RANGAP1: variants seen among roughly 807,000 people sequenced by gnomAD.
The protein encoded by RANGAP1 is ran GTPase-activating protein 1.
RANGAP1 carries 38 observed loss-of-function variants against 63.5 expected under a neutral mutation model. The observed-to-expected ratio is 0.60, with a 90% CI of 0.46 to 0.78. The LOEUF (loss-of-function observed/expected upper bound fraction) is 0.78. RANGAP1 is among the 30% of genes least tolerant of loss of function. The probability of loss-of-function intolerance (pLI) is 0.00; values close to 1 mark genes in which losing one functional copy is unlikely to be tolerated. For synonymous variants in RANGAP1, 329 were observed against 310.5 expected, an observed-to-expected ratio of 1.06 and a Z score of -0.63; for missense variants, 630 against 740.3, an observed-to-expected ratio of 0.85 and a Z score of 1.73.
intron 3 of RANGAP1, among the ~76,000 whole-genome samples, chr22:41,272,177 C>T (rs2145802855): frequency 6.6e-6 from 1 of 152,308 alleles, no homozygotes; most frequent in South Asian, 2.1e-4. Context: ...CCTGCTGAGT[C>T]CTGTAGCCTT....
chr22:41,298,719 T>C, the RANGAP1 span, among the ~76,000 whole-genome samples: 15 of 152,288 alleles, frequency 9.8e-5, no homozygotes, highest in African/African-American at 3.6e-4. Context: ...CAGGCTGGTC[T>C]CAAACTCCTG....
intron 2 of RANGAP1, 126 bp from the exon 3 acceptor site, chr22:41,274,853 CT>C: frequency 8.2e-7 from 1 of 1,224,740 alleles, no homozygotes; most frequent in Non-Finnish European, 1.2e-6. Flanking sequence ...TGAGCCTTGG[CT>C]TACAGAGAAT....
chr22:41,271,616 C>T (rs976728002), intron 3 of RANGAP1, among the ~76,000 whole-genome samples: 4 of 151,810 alleles, frequency 2.6e-5, no homozygotes, highest in African/African-American at 9.7e-5. Flanking sequence ...ATGGCATGAA[C>T]CCGGGAGGCG....
chr22:41,255,637 C>G (rs1045097299), intron 10 of RANGAP1, among the ~76,000 whole-genome samples: 98 of 151,718 alleles, frequency 6.5e-4, no homozygotes, highest in African/African-American at 2.3e-3. Context: ...TGGCCCCGCT[C>G]AGCCCGTACG....
Position 41,249,454 on chromosome 22 carries a change from G to C in RANGAP1, c.1573-3C>G. Reference sequence around the variant, plus strand: ...ATGGCCTTGACCTTGTCTTCACTCTGAGAGGAACACAGCGAAAAGCGGGGT... The same window carrying C: ...ATGGCCTTGACCTTGTCTTCACTCTCAGAGGAACACAGCGAAAAGCGGGGT... On this transcript the variant is annotated splice_polypyrimidine_tract_variant and splice_region_variant and intron_variant, in intron 14 of 15. Transcript: ENST00000356244. The C allele has an allele frequency of 6.2e-7, 1 of 1,613,764 alleles. No individual in the cohort carries two copies. Among genetic ancestry groups the C allele is most frequent in the Non-Finnish European group, 8.5e-7 (1 of 1,179,966 alleles).
the RANGAP1 span, among the ~76,000 whole-genome samples, chr22:41,295,186 G>T: frequency 6.7e-6 from 1 of 149,810 alleles, no homozygotes; most frequent in Non-Finnish European, 1.5e-5. Context: ...CCACCACCCC[G>T]TCTGGGAGGT....
At chr22:41,258,757 T>C (rs527876356) in intron 6 of RANGAP1, among the ~76,000 whole-genome samples, 1 of 152,246 alleles carries the variant, frequency 6.6e-6, no homozygotes, top group Non-Finnish European at 1.5e-5. Context: ...CAGGTTCAAG[T>C]GATTCTCCTG....
the RANGAP1 span, among the ~76,000 whole-genome samples, chr22:41,297,929 G>A: frequency 1.3e-5 from 2 of 151,246 alleles, no homozygotes; most frequent in Non-Finnish European, 2.9e-5. Context: ...GAACGATCTC[G>A]GCTCACTACA....
Position 41,274,675 on chromosome 22 carries a change from A to T in RANGAP1, c.165T>A (p.Arg55=). 1.2e-6 allele frequency: 2 copies of T among 1,614,204 alleles called. No homozygotes were observed. Among genetic ancestry groups the T allele is most frequent in the Non-Finnish European group, 1.7e-6 (2 of 1,180,034 alleles). Residue 55 remains arginine, a synonymous_variant, in exon 3 of 16, where the codon CGT becomes CGA. Coordinates refer to ENST00000356244, the MANE Select transcript of RANGAP1 (RefSeq NM_002883.4). ...CCACGCCCACTGTGTTGCCTTCCAG[A>T]CGCAGAGCCTCCAAGCTGTCAAAGT... ...IEDFDSLEAL[R]LEGNTVGVEA... is the part of the protein sequence containing the mutation.
At chr22:41,251,964 G>C (rs767902855) in intron 12 of RANGAP1, among the ~76,000 whole-genome samples, 1 of 152,144 alleles carries the variant, frequency 6.6e-6, no homozygotes, top group South Asian at 2.1e-4. Flanking sequence ...GCAATTGGCC[G>C]AAATGTTAAG....
chr22:41,251,578 AT>A (rs1230675935), intron 12 of RANGAP1, among the ~76,000 whole-genome samples: 9 of 151,268 alleles, frequency 5.9e-5, no homozygotes, highest in African/African-American at 2.2e-4. Context: ...CTGAGCCATG[AT>A]TGCACCACTG....
At chr22:41,266,636 T>G (rs2034492503) in intron 4 of RANGAP1, among the ~76,000 whole-genome samples, 1 of 152,024 alleles carries the variant, frequency 6.6e-6, no homozygotes, top group Non-Finnish European at 1.5e-5. Flanking sequence ...CAGGTTCAAG[T>G]GATTCTTCCG....
chr22:41,260,288 C>A (rs1315819876), intron 6 of RANGAP1, among the ~76,000 whole-genome samples: 1 of 152,162 alleles, frequency 6.6e-6, no homozygotes, highest in African/African-American at 2.4e-5. Context: ...CAGCGCACCC[C>A]CTCCTCCCAG....
At chr22:41,285,154 C>G (rs1485978857) in intron 1 of RANGAP1, 1 of 152,012 alleles carries the variant, frequency 6.6e-6, no homozygotes, top group Non-Finnish European at 1.5e-5. Flanking sequence ...GAGACCGTCT[C>G]TAAAAAGATA....
chr22:41,287,535 G>A (rs2035783310), upstream of RANGAP1, among the ~76,000 whole-genome samples: 2 of 151,952 alleles, frequency 1.3e-5, no homozygotes, highest in Admixed American at 1.3e-4. Flanking sequence ...ACGTGATGGT[G>A]CAAGCCTGTA....
At chr22:41,291,903 A>T in the RANGAP1 span, among the ~76,000 whole-genome samples, 7 of 150,948 alleles carry the variant, frequency 4.6e-5, no homozygotes, top group African/African-American at 7.3e-5. Flanking sequence ...TCTGTCTCAA[A>T]AATAATAATA....
At chr22:41,285,847 C>T (rs1249332273) in intron 1 of RANGAP1, 139 bp downstream of exon 1, 5 of 408,764 alleles carry the variant, frequency 1.2e-5, no homozygotes, top group African/African-American at 1.1e-4. Context: ...ACCGCCACCC[C>T]TGGGGCGCTC....
chr22:41,251,758 G>A (rs532549926), intron 12 of RANGAP1, among the ~76,000 whole-genome samples: 89 of 152,234 alleles, frequency 5.8e-4, no homozygotes, highest in African/African-American at 2.0e-3. Context: ...ACAGGGAAAA[G>A]TGGAAAAAAC....
the RANGAP1 span, among the ~76,000 whole-genome samples, chr22:41,302,365 G>A: frequency 6.6e-6 from 1 of 152,068 alleles, no homozygotes; most frequent in Non-Finnish European, 1.5e-5. The surrounding 1 kb of genome is among the most constrained non-coding windows in gnomAD (Gnocchi z 5.7). Context: ...CGGGCCCGCG[G>A]GAAGGGGGCG....
Sources: gnomAD v4.1 joint callset for allele counts (sites outside exome capture counted in the v4.1 genomes callset) on GRCh38, gnomAD v4.1.1 for gene constraint, Gnocchi (gnomAD v3.1) non-coding constraint, MANE v1.5 for transcripts, NCBI Gene and HGNC (gene_info 2026-07-23, HGNC 2026-07-21) for gene names.